The following F13A1 variants were observed in gnomAD, a reference collection of about 807,000 sequenced individuals.
F13A1 encodes the protein coagulation factor XIII A chain, also known as FSF, A subunit.
F13A1 carries 47 observed loss-of-function variants against 80.1 expected under a neutral mutation model. The observed-to-expected ratio is 0.59, with a 90% CI of 0.46 to 0.75. The LOEUF (loss-of-function observed/expected upper bound fraction) is 0.75. Among genes scored for constraint, F13A1 ranks in the 30% least tolerant of loss-of-function variants. F13A1 has a pLI of 0.00. For synonymous variants in F13A1, 349 were observed against 344.9 expected, an observed-to-expected ratio of 1.01 and a Z score of -0.13; for missense variants, 817 against 930.4, an observed-to-expected ratio of 0.88 and a Z score of 1.59.
intron 8 of F13A1, among the ~76,000 whole-genome samples, chr6:6,201,617 A>G (rs1403409066): frequency 6.6e-6 from 1 of 152,226 alleles, no homozygotes; most frequent in African/African-American, 2.4e-5. Context: ...CTGACATTAC[A>G]CAATTCTATT....
intron 8 of F13A1, among the ~76,000 whole-genome samples, chr6:6,211,996 G>A (rs1345504447): frequency 6.6e-6 from 1 of 152,230 alleles, no homozygotes; most frequent in Non-Finnish European, 1.5e-5. Context: ...CACACCAGGA[G>A]ATTATATCCC....
At chr6:6,166,520 G>A (rs746955489) in intron 13 of F13A1, among the ~76,000 whole-genome samples, 1 of 152,182 alleles carries the variant, frequency 6.6e-6, no homozygotes, top group African/African-American at 2.4e-5. Context: ...ACTTCAAGAA[G>A]ATTGTTCTCC....
intron 10 of F13A1, among the ~76,000 whole-genome samples, chr6:6,187,946 T>C (rs1761110128): frequency 6.7e-6 from 1 of 148,860 alleles, no homozygotes; most frequent in Non-Finnish European, 1.5e-5. Context: ...CCTGGTTTAG[T>C]CTTGGGAGAG....
At chr6:6,229,682 C>A (rs1277161323) in intron 6 of F13A1, among the ~76,000 whole-genome samples, 1 of 152,146 alleles carries the variant, frequency 6.6e-6, no homozygotes, top group African/African-American at 2.4e-5. Context: ...ACTGCAAGAA[C>A]AAACCAGCAA....
intron 3 of F13A1, among the ~76,000 whole-genome samples, chr6:6,289,450 A>G (rs1048233046): frequency 3.9e-5 from 6 of 152,030 alleles, no homozygotes; most frequent in African/African-American, 1.2e-4. Flanking sequence ...ACACACACAC[A>G]CGCACACACA....
At chr6:6,215,244 C>T (rs1215865219) in intron 8 of F13A1, among the ~76,000 whole-genome samples, 1 of 130,798 alleles carries the variant, frequency 7.6e-6, no homozygotes, top group African/African-American at 2.7e-5. Context: ...GAATTTTAGA[C>T]CAATATCCTT....
At chr6:6,265,487 A>G (rs550353179) in intron 4 of F13A1, among the ~76,000 whole-genome samples, 150 of 152,342 alleles carry the variant, frequency 9.8e-4, no homozygotes, top group African/African-American at 3.5e-3. Context: ...ATGAAAGGGC[A>G]GAGATGAAGA....
intron 8 of F13A1, 64 bp downstream of exon 8, chr6:6,221,969 T>G: frequency 6.4e-7 from 1 of 1,572,446 alleles, no homozygotes; most frequent in Non-Finnish European, 8.7e-7. Flanking sequence ...GAGTCTATCT[T>G]GTGGTAAATG....
chr6:6,316,423 T>G (rs1306063295), intron 2 of F13A1, among the ~76,000 whole-genome samples: 2 of 151,932 alleles, frequency 1.3e-5, no homozygotes, highest in Non-Finnish European at 2.9e-5. Context: ...GAATGTCACT[T>G]GGGTTGTGGA....
chr6:6,238,669 G>T (rs909051468), intron 6 of F13A1, among the ~76,000 whole-genome samples: 3 of 149,412 alleles, frequency 2.0e-5, no homozygotes, highest in Admixed American at 1.3e-4. Flanking sequence ...AATAATAAAA[G>T]TACAAATGAC....
chr6:6,235,881 G>A (rs892647988), intron 6 of F13A1, among the ~76,000 whole-genome samples: 3 of 151,984 alleles, frequency 2.0e-5, no homozygotes, highest in South Asian at 2.1e-4. Context: ...AGGCAAAAAC[G>A]GAAAATGGCC....
In F13A1 at chr6:6,267,232, C is replaced by T. The variant is rs141029084; in HGVS notation, c.320-423G>A. Among the ~76,000 whole-genome samples the T allele has an allele frequency of 3.7e-3, 556 of 152,266 alleles. 7 individuals carry two copies. Among genetic ancestry groups the T allele is most frequent in the African/African-American group, 0.012 (505 of 41,540 alleles). On this transcript the variant is annotated intron_variant, in intron 3 of 14. Coordinates refer to ENST00000264870, the MANE Select transcript of F13A1 (RefSeq NM_000129.4). The stretch of plus-strand genomic sequence containing the variant: ...AAAATAATAATTTACACAGTGCAAA[C>T]CACTGAGAAAGATTAGAACTTCAAC...
intron 2 of F13A1, among the ~76,000 whole-genome samples, chr6:6,314,335 C>G (rs1209624245): frequency 6.6e-6 from 1 of 152,130 alleles, no homozygotes; most frequent in African/African-American, 2.4e-5. Context: ...TAATTAGAAT[C>G]CTTCTCAAGT....
At chr6:6,274,876 T>C (rs1003219788) in intron 3 of F13A1, among the ~76,000 whole-genome samples, 1 of 151,920 alleles carries the variant, frequency 6.6e-6, no homozygotes, top group Non-Finnish European at 1.5e-5. Context: ...ACTGAGGGAA[T>C]AAGGAAAGGA....
chr6:6,282,286 T>C (rs1248162025), intron 3 of F13A1, among the ~76,000 whole-genome samples: 1 of 152,154 alleles, frequency 6.6e-6, no homozygotes, highest in Non-Finnish European at 1.5e-5. Flanking sequence ...TGAAACATCT[T>C]ACTGTAACAG....
chr6:6,179,192 G>C (rs1404426253), intron 11 of F13A1, among the ~76,000 whole-genome samples: 1 of 152,212 alleles, frequency 6.6e-6, no homozygotes, highest in African/African-American at 2.4e-5. Context: ...GGAGCAAAGA[G>C]GGAATGGAAT....
intron 8 of F13A1, among the ~76,000 whole-genome samples, chr6:6,220,128 A>G (rs925239472): frequency 1.3e-5 from 2 of 152,058 alleles, no homozygotes; most frequent in African/African-American, 4.8e-5. Context: ...GCACGTCCTG[A>G]GTTGTGCTGG....
chr6:6,269,321 C>G (rs1214013126), intron 3 of F13A1, among the ~76,000 whole-genome samples: 3 of 152,136 alleles, frequency 2.0e-5, no homozygotes, highest in Admixed American at 6.5e-5. Flanking sequence ...TTGTCCTGGG[C>G]TTTCTGATTC....
intron 13 of F13A1, among the ~76,000 whole-genome samples, chr6:6,163,065 G>A (rs1561639621): frequency 6.6e-6 from 1 of 152,182 alleles, no homozygotes; most frequent in Non-Finnish European, 1.5e-5. Context: ...CCAGGGGCTG[G>A]TCCCAACCCT....
Sources: allele counts gnomAD v4.1 joint callset (sites outside exome capture counted in the v4.1 genomes callset), GRCh38; gene constraint gnomAD v4.1.1; transcripts MANE v1.5; gene names NCBI Gene and HGNC (gene_info 2026-07-23, HGNC 2026-07-21).